The following KCNQ1 variants were observed in gnomAD, a reference collection of about 807,000 sequenced individuals.
KCNQ1 encodes potassium voltage-gated channel subfamily KQT member 1.
In KCNQ1, 49 loss-of-function variants were observed where a neutral mutation model predicts 72.4. The ratio of observed to expected loss-of-function variants is 0.68; its 90% CI spans 0.54 to 0.86. The LOEUF is 0.86. KCNQ1 is among the 40% of genes least tolerant of loss of function. The pLI is 0.00. For synonymous variants in KCNQ1, 450 were observed against 412.6 expected (o/e 1.09, Z -1.10); for missense variants, 790 against 945.1 (o/e 0.84, Z 2.15).
In KCNQ1 at chr11:2,615,948, C is replaced by G. The variant is rs746824239; in HGVS notation, c.1393+27094C>G. On this transcript the variant is annotated intron_variant, in intron 10 of 15. Coordinates refer to ENST00000155840, the MANE Select transcript of KCNQ1 (RefSeq NM_000218.3). ...TTGAGAGGGATTGGTGTGAATTCTT[C>G]AAGTGTTTGGTATAATTCAACAGTG... is the stretch of plus-strand genomic sequence containing the variant. The G allele has an allele frequency of 3.2e-4, 127 of 397,958 alleles. 6 individuals are homozygous for G. The highest frequency in any genetic ancestry group is 1.6e-4 in the Non-Finnish European group (37 of 225,770). The allele number at this position is 397,958 out of a possible 1,614,324, so 24.7% of individuals were successfully genotyped here. A position where few individuals can be genotyped will look rare whatever the true frequency, so the allele number is the denominator to read the frequency against.
rs1208339295 is a variant in KCNQ1 at position 2,782,031 on chromosome 11, C to G, written c.1794+3994C>G. Among the ~76,000 whole-genome samples, 4 of 152,142 alleles carry G rather than the reference C, an allele frequency of 2.6e-5. No homozygotes were observed. Among genetic ancestry groups the G allele is most frequent in the Non-Finnish European group, 4.4e-5 (3 of 68,026 alleles). On this transcript the variant is annotated intron_variant, in intron 15 of 15. Coordinates refer to ENST00000155840, the MANE Select transcript of KCNQ1 (RefSeq NM_000218.3). This position sits in a 1 kb window ranked among gnomAD's most constrained non-coding sequence, Gnocchi z 6.1. ...CCAGGATGCAGGCAGGCCCAGCCTCCCAGAATTGGGTGTTTGCCCCCAGAC... is the reference window on the plus strand; with the variant it reads ...CCAGGATGCAGGCAGGCCCAGCCTCGCAGAATTGGGTGTTTGCCCCCAGAC...
chr11:2,735,070 A>C lies in KCNQ1; in HGVS notation c.1515-33774A>C, dbSNP rs1044547319. On this transcript the variant is annotated intron_variant, in intron 11 of 15. Transcript: ENST00000155840. The surrounding 1 kb of genome is among the most constrained non-coding windows in gnomAD (Gnocchi z 7.7). ...TGTGCCAGGGAAGCCCTGCCTTGTC[A>C]TCACCTGTGCCGTGGCTGTCAGCGC... Among the ~76,000 whole-genome samples the C allele has an allele frequency of 2.6e-5, 4 of 152,118 alleles. No individual in the cohort carries two copies. Among genetic ancestry groups the C allele is most frequent in the African/African-American group, 7.2e-5 (3 of 41,438 alleles).
chr11:2,833,332 G>C (rs992792720), intron 15 of KCNQ1, among the ~76,000 whole-genome samples: 2 of 152,194 alleles, frequency 1.3e-5, no homozygotes, highest in African/African-American at 2.4e-5. Context: ...CCCTGGAGCC[G>C]AGTCCTCCCC....
At chr11:2,838,152 AAAC>A (rs1483500409) in intron 15 of KCNQ1, among the ~76,000 whole-genome samples, 1 of 152,230 alleles carries the variant, frequency 6.6e-6, no homozygotes, top group African/African-American at 2.4e-5. Context: ...TCTGAGAAGC[AAAC>A]ACCACCAGTA....
chr11:2,805,763 T>C (rs1237225002), intron 15 of KCNQ1, among the ~76,000 whole-genome samples: 2 of 152,334 alleles, frequency 1.3e-5, no homozygotes. Context: ...TCTTCCGTGC[T>C]GGGGAAGCCG....
In KCNQ1 at chr11:2,579,764, A is replaced by C. The variant is rs1848472085; in HGVS notation, c.922-3671A>C. On this transcript the variant is annotated intron_variant, in intron 6 of 15. Transcript: ENST00000155840. The surrounding 1 kb of genome is among the most constrained non-coding windows in gnomAD (Gnocchi z 6.0). ...CCCTCTCGGGGCACCCCTGCCTTCTACTGACCACCCAGCCAGCCAGCAGGA... is the reference window on the plus strand; with the variant it reads ...CCCTCTCGGGGCACCCCTGCCTTCTCCTGACCACCCAGCCAGCCAGCAGGA... 6.6e-6 allele frequency among the ~76,000 whole-genome samples: 1 copy of C among 151,844 alleles called. No individual in the cohort carries two copies. The highest frequency in any genetic ancestry group is 2.1e-4 in the South Asian group (1 of 4,800).
intron 15 of KCNQ1, among the ~76,000 whole-genome samples, chr11:2,811,604 T>G (rs1847486967): frequency 6.6e-6 from 1 of 152,234 alleles, no homozygotes; most frequent in African/African-American, 2.4e-5. Flanking sequence ...GGCAGCCACC[T>G]TCTGTGATCG....
chr11:2,560,375 G>A (rs1209309368), intron 2 of KCNQ1, among the ~76,000 whole-genome samples: 1 of 73,460 alleles, frequency 1.4e-5, no homozygotes. Flanking sequence ...ATCCATCTTG[G>A]GGGTACTGGG....
Position 2,712,015 on chromosome 11 carries a change from C to G in KCNQ1, c.1514+49934C>G, listed in dbSNP as rs1851016227. Among the ~76,000 whole-genome samples, 3 of 152,274 alleles carry G rather than the reference C, an allele frequency of 2.0e-5. No individual in the cohort carries two copies. The South Asian group carries it at 6.2e-4, about 32-fold the overall frequency. ...TTGGATCACTGCCAAATGGTATGCC[C>G]AGCCTTGCTGAATCTCTACCCATCT... On this transcript the variant is annotated intron_variant, in intron 11 of 15. Coordinates refer to ENST00000155840, the MANE Select transcript of KCNQ1 (RefSeq NM_000218.3). The surrounding 1 kb of genome is among the most constrained non-coding windows in gnomAD (Gnocchi z 6.4).
At chr11:2,629,017 C>T (rs1849307924) in intron 10 of KCNQ1, 5 of 398,120 alleles carry the variant, frequency 1.3e-5, no homozygotes, top group Admixed American at 4.4e-5. Context: ...TCAAAATAAG[C>T]ATGTGTAATA....
intron 2 of KCNQ1, among the ~76,000 whole-genome samples, chr11:2,568,630 T>A (rs1848281501): frequency 6.6e-6 from 1 of 152,164 alleles, no homozygotes; most frequent in Non-Finnish European, 1.5e-5. Context: ...ATTGGAATAG[T>A]CATTTATTTG....
intron 15 of KCNQ1, among the ~76,000 whole-genome samples, chr11:2,821,904 T>G (rs1590110749): frequency 6.6e-6 from 1 of 152,154 alleles, no homozygotes; most frequent in South Asian, 2.1e-4. Flanking sequence ...CCTCATTCTA[T>G]CCCTGTCCCT....
chr11:2,504,469 A>G (rs1847067673), intron 1 of KCNQ1, among the ~76,000 whole-genome samples: 1 of 152,166 alleles, frequency 6.6e-6, no homozygotes, highest in Non-Finnish European at 1.5e-5. Context: ...AAATAACTAA[A>G]AGAGAGCTGG....
rs1040621359 is a variant in KCNQ1, at chr11:2,666,733, C to A, written c.1514+4652C>A. 2.8e-5 allele frequency: 11 copies of A among 398,666 alleles called. No homozygotes were observed. The Admixed American group carries it at 4.0e-4, about 14-fold the overall frequency. The allele number at this position is 398,666 out of a possible 1,614,324, so 24.7% of individuals were successfully genotyped here. A position where few individuals can be genotyped will look rare whatever the true frequency, so the allele number is the denominator to read the frequency against. On this transcript the variant is annotated intron_variant, in intron 11 of 15. Coordinates refer to ENST00000155840, the MANE Select transcript of KCNQ1 (RefSeq NM_000218.3). ...CCACTGTGACCTACTCCCACAGACC[C>A]CAGGGTACCAGGCACTGCAGCTCTG...
Position 2,654,717 on chromosome 11 carries a change from G to A in KCNQ1, c.1394-7244G>A, listed in dbSNP as rs1184718689. 2.0e-5 allele frequency: 8 copies of A among 398,658 alleles called. No individual in the cohort carries two copies. The highest frequency in any genetic ancestry group is 6.2e-4 in the Middle Eastern group (1 of 1,610). The allele number at this position is 398,658 out of a possible 1,614,324, so 24.7% of individuals were successfully genotyped here. Reference sequence around the variant, plus strand: ...CATAGGCTGGACTTGGGGCTTGAATGCTGACCTAATCTGGGCAGGGAGGGG... The same window carrying A: ...CATAGGCTGGACTTGGGGCTTGAATACTGACCTAATCTGGGCAGGGAGGGG... On this transcript the variant is annotated intron_variant, in intron 10 of 15. Coordinates refer to ENST00000155840, the MANE Select transcript of KCNQ1 (RefSeq NM_000218.3). This position sits in a 1 kb window ranked among gnomAD's most constrained non-coding sequence, Gnocchi z 6.4.
At position 2,609,510 on chromosome 11, in the gene KCNQ1, G is replaced by A. The variant is rs113401279; in HGVS notation, c.1393+20656G>A. ...GTATATTCAATGTTGGTTGTTGGGC[G>A]AAGTGCTCTATAATTACCTTTTGAG... On this transcript the variant is annotated intron_variant, in intron 10 of 15. Transcript: ENST00000155840. 7.1e-3 allele frequency: 2,817 copies of A among 398,296 alleles called. 56 individuals are homozygous for A. The highest frequency in any genetic ancestry group is 0.054 in the South Asian group (421 of 7,846). 24.7% of individuals were successfully genotyped at this position (398,296 alleles called of 1,614,324 possible). A position where few individuals can be genotyped will look rare whatever the true frequency, so the allele number is the denominator to read the frequency against.
rs10832352 is a variant in KCNQ1, at chr11:2,599,606, G to T, written c.1393+10752G>T. 0.2 allele frequency among the ~76,000 whole-genome samples: 30,544 copies of T among 152,094 alleles called. 4,182 individuals carry two copies. Among genetic ancestry groups the T allele is most frequent in the African/African-American group, 0.36 (14,725 of 41,448 alleles). On this transcript the variant is annotated intron_variant, in intron 10 of 15. Transcript: ENST00000155840. This position sits in a 1 kb window ranked among gnomAD's most constrained non-coding sequence, Gnocchi z 4.7. ...GCTGGGTGGCTTAGACAGCAGACAT[G>T]TATTTCTCACAATTCTGGAGGATAG... is the stretch of plus-strand genomic sequence containing the variant.
rs189377456 is a variant in KCNQ1, at chr11:2,508,465, G to A, written c.387-19463G>A. On this transcript the variant is annotated intron_variant, in intron 1 of 15. Coordinates refer to ENST00000155840, the MANE Select transcript of KCNQ1 (RefSeq NM_000218.3). The surrounding 1 kb of genome is among the most constrained non-coding windows in gnomAD (Gnocchi z 6.2). ...GCCTGGCTGCTCTGCATGGGGAGGA[G>A]TGTGGGTCCTGAGTGGAGTGTCCCA... 7.2e-5 allele frequency among the ~76,000 whole-genome samples: 11 copies of A among 152,236 alleles called. No individual in the cohort carries two copies. The highest frequency in any genetic ancestry group is 7.2e-4 in the Admixed American group (11 of 15,306).
rs1328995323 is a variant in KCNQ1, at chr11:2,827,529, G to A, written c.1795-20238G>A. On this transcript the variant is annotated intron_variant, in intron 15 of 15. Transcript: ENST00000155840. The surrounding 1 kb of genome is among the most constrained non-coding windows in gnomAD (Gnocchi z 6.7). Reference sequence around the variant, plus strand: ...CCCCTTTCTGTCCACCCGCCGGAATGTGACGCACGCCTGAGTCGCTGCAAG... The same window carrying A: ...CCCCTTTCTGTCCACCCGCCGGAATATGACGCACGCCTGAGTCGCTGCAAG... Among the ~76,000 whole-genome samples, 1 of 151,746 alleles carries A rather than the reference G, an allele frequency of 6.6e-6. No individual in the cohort carries two copies. Among genetic ancestry groups the A allele is most frequent in the Non-Finnish European group, 1.5e-5 (1 of 67,948 alleles).
Sources: gnomAD v4.1 joint callset for allele counts (sites outside exome capture counted in the v4.1 genomes callset) on GRCh38, gnomAD v4.1.1 for gene constraint, Gnocchi (gnomAD v3.1) non-coding constraint, MANE v1.5 for transcripts, NCBI Gene and HGNC (gene_info 2026-07-23, HGNC 2026-07-21) for gene names.